The following PIK3CB variants were observed in gnomAD, a reference collection of about 807,000 sequenced individuals.
The protein encoded by PIK3CB is phosphatidylinositol-4,5-bisphosphate 3-kinase catalytic subunit beta, also known as phosphatidylinositol 4,5-bisphosphate 3-kinase catalytic subunit beta isoform.
In PIK3CB, 39 loss-of-function variants were observed where a neutral mutation model predicts 136.8. The observed-to-expected ratio is 0.29, with a 90% CI of 0.22 to 0.37. The LOEUF is 0.37. PIK3CB is among the 10% of genes least tolerant of loss of function. The probability of loss-of-function intolerance (pLI) is 1.00; values close to 1 mark genes in which losing one functional copy is unlikely to be tolerated. For missense variants in PIK3CB, 868 were observed against 1,275.4 expected (o/e 0.68, Z 4.87); for synonymous variants, 428 against 436.6 (o/e 0.98, Z 0.25).
intron 8 of PIK3CB, among the ~76,000 whole-genome samples, chr3:138,730,368 A>G (rs1029849066): frequency 6.6e-6 from 1 of 152,218 alleles, no homozygotes; most frequent in Non-Finnish European, 1.5e-5. Context: ...ACACGAATGA[A>G]GGCTTCTTGG....
At chr3:138,765,129 G>T (rs2108749699) in intron 2 of PIK3CB, among the ~76,000 whole-genome samples, 1 of 152,268 alleles carries the variant, frequency 6.6e-6, no homozygotes, top group South Asian at 2.1e-4. Context: ...AGACCAGCCT[G>T]GCCAACATGG....
At chr3:138,735,227 G>A (rs867673310) in intron 6 of PIK3CB, among the ~76,000 whole-genome samples, 1 of 151,948 alleles carries the variant, frequency 6.6e-6, no homozygotes, top group African/African-American at 2.4e-5. Context: ...AGGATTACAG[G>A]TGTGAGCCAC....
At chr3:138,690,787 A>T (rs974380627) in intron 15 of PIK3CB, among the ~76,000 whole-genome samples, 1 of 152,056 alleles carries the variant, frequency 6.6e-6, no homozygotes, top group African/African-American at 2.4e-5. Context: ...GGGACACATA[A>T]GGGTCTTGGA....
intron 1 of PIK3CB, among the ~76,000 whole-genome samples, chr3:138,810,554 A>G (rs1932983641): frequency 6.6e-6 from 1 of 152,150 alleles, no homozygotes; most frequent in Non-Finnish European, 1.5e-5. Context: ...AAAAATCAGA[A>G]AAACTCAATT....
At chr3:138,685,785 T>C (rs1032172423) in intron 16 of PIK3CB, among the ~76,000 whole-genome samples, 1 of 151,938 alleles carries the variant, frequency 6.6e-6, no homozygotes, top group East Asian at 1.9e-4. Context: ...AAAAAACTTA[T>C]GCAAGTAGTA....
chr3:138,767,667 ACAGT>A (rs1168401777), intron 2 of PIK3CB, among the ~76,000 whole-genome samples: 1 of 152,228 alleles, frequency 6.6e-6, no homozygotes, highest in African/African-American at 2.4e-5. Flanking sequence ...CAGCCCCTGC[ACAGT>A]CAGACTTGCC....
chr3:138,765,141 G>A (rs1250131574), intron 2 of PIK3CB, among the ~76,000 whole-genome samples: 5 of 152,036 alleles, frequency 3.3e-5, no homozygotes, highest in Non-Finnish European at 7.4e-5. Context: ...CCAACATGGC[G>A]AAACCCTGTC....
At chr3:138,826,207 G>A in intron 1 of PIK3CB, 1 of 1,356,508 alleles carries the variant, frequency 7.4e-7, no homozygotes, top group South Asian at 1.2e-5. Context: ...CCTCCTCTGG[G>A]TCATTTTGCT....
Position 138,758,149 on chromosome 3 carries a change from A to G in PIK3CB, c.171+1024T>C, listed in dbSNP as rs567024507. ...TAAAAACACTATGCTATGCAAGCCA[A>G]CTACAAAAGGATAGCTATTTATTGT... is the stretch of plus-strand genomic sequence containing the variant. On this transcript the variant is annotated intron_variant, in intron 3 of 23. Transcript: ENST00000674063. Among the ~76,000 whole-genome samples the G allele has an allele frequency of 2.6e-5, 4 of 152,332 alleles. No individual in the cohort carries two copies. In the South Asian group the frequency reaches 8.3e-4, roughly 32 times the overall value.
chr3:138,772,767 C>T (rs1204621578), intron 2 of PIK3CB, among the ~76,000 whole-genome samples: 1 of 149,932 alleles, frequency 6.7e-6, no homozygotes, highest in Admixed American at 6.7e-5. Flanking sequence ...AGCCAAAGCA[C>T]CCGGCTATTT....
chr3:138,778,600 G>A, intron 2 of PIK3CB: 1 of 212,340 alleles, frequency 4.7e-6, no homozygotes. Flanking sequence ...TGAAGGAGGT[G>A]AAGCAGGCGT....
intron 14 of PIK3CB, among the ~76,000 whole-genome samples, chr3:138,693,101 A>G (rs1356603423): frequency 1.3e-5 from 2 of 152,048 alleles, no homozygotes; most frequent in Non-Finnish European, 2.9e-5. Flanking sequence ...ATGTATTTGT[A>G]TTTTATTTTT....
chr3:138,793,851 C>T (rs1456607540), intron 2 of PIK3CB, among the ~76,000 whole-genome samples: 2 of 152,182 alleles, frequency 1.3e-5, no homozygotes, highest in Non-Finnish European at 2.9e-5. Flanking sequence ...GAGGCACCAT[C>T]TCTTAAAAAA....
chr3:138,758,147 CA>C (rs1426385623), intron 3 of PIK3CB, among the ~76,000 whole-genome samples: 7 of 152,134 alleles, frequency 4.6e-5, no homozygotes, highest in African/African-American at 1.7e-4. Flanking sequence ...CTATGCAAGC[CA>C]ACTACAAAAG....
chr3:138,811,693 G>T (rs1215202700), intron 1 of PIK3CB, among the ~76,000 whole-genome samples: 2 of 152,008 alleles, frequency 1.3e-5, no homozygotes, highest in East Asian at 3.8e-4. Context: ...CGAAGTGCTG[G>T]GATTACAGGT....
At chr3:138,816,648 T>C (rs1933346582) in intron 1 of PIK3CB, among the ~76,000 whole-genome samples, 1 of 151,628 alleles carries the variant, frequency 6.6e-6, no homozygotes, top group Admixed American at 6.6e-5. Flanking sequence ...AAATAAAAAA[T>C]AGAAACCACA....
intron 3 of PIK3CB, among the ~76,000 whole-genome samples, chr3:138,758,876 G>C (rs1180774593): frequency 5.3e-5 from 8 of 152,062 alleles, no homozygotes; most frequent in African/African-American, 1.9e-4. Context: ...CAAGGAAAGG[G>C]GGAAGAGAAG....
chr3:138,774,037 C>T (rs1576405673), intron 2 of PIK3CB, among the ~76,000 whole-genome samples: 1 of 152,296 alleles, frequency 6.6e-6, no homozygotes, highest in Non-Finnish European at 1.5e-5. Flanking sequence ...CCTTCTCTAG[C>T]CTTTGAAGAT....
chr3:138,655,414 G>A lies in PIK3CB; in HGVS notation c.3188C>T (p.Thr1063Ile), dbSNP rs372335398. 1.1e-5 allele frequency: 18 copies of A among 1,614,026 alleles called. No individual in the cohort carries two copies. Among genetic ancestry groups the A allele is most frequent in the Non-Finnish European group, 1.4e-5 (16 of 1,179,988 alleles). Reference protein sequence around the residue: ...WTTKVNWMAHTVRKDYRS With the variant: ...WTTKVNWMAHIVRKDYRS ...TTAAGATCTGTAGTCTTTCCGAACT[G>A]TGTGGGCCATCCAGTTCACTTTAGT... is the stretch of plus-strand genomic sequence containing the variant. The change falls in exon 24 of 24, where the codon ACA becomes ATA. Residue 1063 changes from threonine (T) to isoleucine (I), a missense_variant. Thr to Ile is a moderately conservative substitution (Grantham distance 89, BLOSUM62 -1). Transcript: ENST00000674063.
Sources: gnomAD v4.1 joint callset for allele counts (sites outside exome capture counted in the v4.1 genomes callset) on GRCh38, gnomAD v4.1.1 for gene constraint, MANE v1.5 for transcripts, NCBI Gene and HGNC (gene_info 2026-07-23, HGNC 2026-07-21) for gene names.